MGAT4C: variants seen among roughly 807,000 people sequenced by gnomAD.
MGAT4C encodes MGAT4 family member C, also known as alpha-1,3-mannosyl-glycoprotein 4-beta-N-acetylglucosaminyltransferase C.
A neutral mutation model predicts 40.1 loss-of-function variants in MGAT4C; 19 were observed. The ratio of observed to expected loss-of-function variants is 0.47; its 90% CI spans 0.33 to 0.70. MGAT4C has a LOEUF of 0.70. MGAT4C is among the 30% of genes least tolerant of loss of function. MGAT4C has a pLI of 0.02. For missense variants in MGAT4C, 491 were observed against 563.2 expected (o/e 0.87, Z 1.30); for synonymous variants, 181 against 187.1 (o/e 0.97, Z 0.27).
At chr12:86,151,420 G>C (rs968862322) in intron 1 of MGAT4C, among the ~76,000 whole-genome samples, 2 of 152,110 alleles carry the variant, frequency 1.3e-5, no homozygotes, top group Non-Finnish European at 2.9e-5. Context: ...AGACCATCCT[G>C]GCTAACACGG....
intron 2 of MGAT4C, among the ~76,000 whole-genome samples, chr12:86,487,162 A>T (rs948099707): frequency 2.6e-5 from 4 of 152,152 alleles, no homozygotes; most frequent in Non-Finnish European, 5.9e-5. Flanking sequence ...CAATGGAGTC[A>T]TTTGGTACCA....
intron 4 of MGAT4C, among the ~76,000 whole-genome samples, chr12:86,315,841 T>C (rs1954205219): frequency 6.6e-6 from 1 of 151,508 alleles, no homozygotes; most frequent in South Asian, 2.1e-4. Context: ...TTGACAAGAT[T>C]GACAAGTGGT....
chr12:86,823,312 G>GA (rs1952738249), intron 1 of MGAT4C, among the ~76,000 whole-genome samples: 2 of 151,076 alleles, frequency 1.3e-5, no homozygotes, highest in South Asian at 2.1e-4. Context: ...GCAAAAGGTA[G>GA]AAAAAAATTA....
intron 3 of MGAT4C, among the ~76,000 whole-genome samples, chr12:86,359,394 C>A (rs910550732): frequency 6.6e-6 from 1 of 152,024 alleles, no homozygotes; most frequent in African/African-American, 2.4e-5. Context: ...AAAATTGACA[C>A]CCTAACATCA....
chr12:86,027,346 T>G (rs1890332568), intron 2 of MGAT4C, among the ~76,000 whole-genome samples: 2 of 151,994 alleles, frequency 1.3e-5, no homozygotes, highest in East Asian at 3.9e-4. Flanking sequence ...TAATTTAAAA[T>G]TTTTATATTT....
intron 4 of MGAT4C, among the ~76,000 whole-genome samples, chr12:86,279,899 G>A (rs945387056): frequency 1.3e-5 from 2 of 151,808 alleles, no homozygotes; most frequent in Non-Finnish European, 2.9e-5. Context: ...GGCCCATTCA[G>A]GAGCATACTG....
intron 1 of MGAT4C, among the ~76,000 whole-genome samples, chr12:86,249,890 CT>C (rs1471254223): frequency 6.6e-6 from 1 of 152,156 alleles, no homozygotes; most frequent in African/African-American, 2.4e-5. Context: ...TAAATCACTC[CT>C]TGTGGGTGTC....
intron 2 of MGAT4C, among the ~76,000 whole-genome samples, chr12:86,566,531 CATATATATATATATATATATATATAT>C (rs71078910): frequency 2.6e-3 from 104 of 39,854 alleles, no homozygotes; most frequent in African/African-American, 5.6e-3. Flanking sequence ...AACTCATATA[CATATATATATATATATATATATATAT>C]ATATATATAT....
chr12:86,131,277 A>G (rs1881137790), intron 1 of MGAT4C, among the ~76,000 whole-genome samples: 1 of 152,128 alleles, frequency 6.6e-6, no homozygotes, highest in African/African-American at 2.4e-5. Flanking sequence ...AGTACATATA[A>G]TATTCTGGGG....
intron 1 of MGAT4C, among the ~76,000 whole-genome samples, chr12:86,748,837 G>A (rs1951192675): frequency 6.6e-6 from 1 of 151,178 alleles, no homozygotes; most frequent in Non-Finnish European, 1.5e-5. Context: ...TATATTAGTA[G>A]GTAATTCAGC....
At chr12:86,368,144 T>G (rs1016677574) in intron 3 of MGAT4C, among the ~76,000 whole-genome samples, 3 of 151,754 alleles carry the variant, frequency 2.0e-5, no homozygotes, top group Admixed American at 6.6e-5. Context: ...GGAAAATACT[T>G]AAAATATCTG....
chr12:86,120,620 G>T (rs1280334840), intron 1 of MGAT4C, among the ~76,000 whole-genome samples: 1 of 152,182 alleles, frequency 6.6e-6, no homozygotes, highest in Non-Finnish European at 1.5e-5. Context: ...GTGATACCCT[G>T]GGAAACAGGG....
chr12:86,477,457 T>C (rs929915187), intron 2 of MGAT4C, among the ~76,000 whole-genome samples: 6 of 151,926 alleles, frequency 3.9e-5, no homozygotes, highest in African/African-American at 9.7e-5. Context: ...AGCTACCTAC[T>C]GGGTGATAAG....
intron 4 of MGAT4C, among the ~76,000 whole-genome samples, chr12:86,283,731 T>C (rs373065808): frequency 3.4e-4 from 51 of 152,184 alleles, no homozygotes; most frequent in African/African-American, 1.1e-3. Context: ...GCCAAGAGCA[T>C]AAATAGTTGA....
intron 2 of MGAT4C, among the ~76,000 whole-genome samples, chr12:86,697,704 T>A (rs1421828311): frequency 3.9e-5 from 6 of 152,118 alleles, no homozygotes; most frequent in Admixed American, 2.0e-4. Flanking sequence ...ACTTGAATAA[T>A]GATGACCACA....
intron 2 of MGAT4C, among the ~76,000 whole-genome samples, chr12:86,555,181 C>T (rs752263683): frequency 6.6e-6 from 1 of 151,438 alleles, no homozygotes; most frequent in Admixed American, 6.6e-5. Context: ...TGCAAAGTAC[C>T]TTTTGGTATT....
chr12:86,539,520 A>G (rs956452059), intron 2 of MGAT4C, among the ~76,000 whole-genome samples: 4 of 152,294 alleles, frequency 2.6e-5, no homozygotes, highest in African/African-American at 7.2e-5. Context: ...ATGATTTATA[A>G]TCCTTTGGGT....
At chr12:86,478,805 G>A (rs1444536389) in intron 2 of MGAT4C, among the ~76,000 whole-genome samples, 2 of 151,960 alleles carry the variant, frequency 1.3e-5, no homozygotes, top group Non-Finnish European at 2.9e-5. Context: ...AACTGAGGAA[G>A]GGATATTGAA....
intron 4 of MGAT4C, among the ~76,000 whole-genome samples, chr12:86,316,871 G>A (rs1475818095): frequency 6.6e-6 from 1 of 151,908 alleles, no homozygotes; most frequent in Non-Finnish European, 1.5e-5. Flanking sequence ...AATAAACATT[G>A]AAATTATATT....
Sources: gnomAD v4.1 joint callset for allele counts (sites outside exome capture counted in the v4.1 genomes callset) on GRCh38, gnomAD v4.1.1 for gene constraint, MANE v1.5 for transcripts, NCBI Gene and HGNC (gene_info 2026-07-23, HGNC 2026-07-21) for gene names.